GFRA1: variants seen among roughly 807,000 people sequenced by gnomAD.
GFRA1 encodes GDNF family receptor alpha-1.
Under a neutral mutation model 51.6 loss-of-function variants are expected in GFRA1, and 16 were observed. The observed-to-expected ratio is 0.31, with a 90% CI of 0.21 to 0.47. The LOEUF (loss-of-function observed/expected upper bound fraction) is 0.47, where lower values mean the gene tolerates loss of function less well. Among genes scored for constraint, GFRA1 ranks in the 20% least tolerant of loss-of-function variants. The pLI is 1.00. For missense variants in GFRA1, 530 were observed against 594.3 expected (o/e 0.89, Z 1.13); for synonymous variants, 270 against 241.3 (o/e 1.12, Z -1.10).
chr10:116,244,311 A>AT (rs1226720922), intron 4 of GFRA1, among the ~76,000 whole-genome samples: 5 of 143,940 alleles, frequency 3.5e-5, no homozygotes, highest in African/African-American at 1.0e-4. Flanking sequence ...AAAAATTATA[A>AT]TATATAATAT....
intron 5 of GFRA1, among the ~76,000 whole-genome samples, chr10:116,162,727 C>T (rs902158801): frequency 1.3e-5 from 2 of 152,090 alleles, no homozygotes; most frequent in African/African-American, 4.8e-5. Flanking sequence ...GATGGTTGCA[C>T]AACCTTATGA....
chr10:116,239,376 T>A (rs890745516), intron 4 of GFRA1, among the ~76,000 whole-genome samples: 4 of 152,356 alleles, frequency 2.6e-5, no homozygotes, highest in African/African-American at 9.6e-5. Context: ...TAAATCATTA[T>A]AAAATCCCTT....
chr10:116,214,407 A>T (rs1359389087), intron 4 of GFRA1, among the ~76,000 whole-genome samples: 1 of 152,132 alleles, frequency 6.6e-6, no homozygotes, highest in Non-Finnish European at 1.5e-5. Flanking sequence ...GCTCCTACCT[A>T]CGAGGGAGGG....
At chr10:116,213,979 G>C (rs1965387968) in intron 4 of GFRA1, among the ~76,000 whole-genome samples, 1 of 152,144 alleles carries the variant, frequency 6.6e-6, no homozygotes, top group Non-Finnish European at 1.5e-5. Flanking sequence ...TGCTCTAATT[G>C]ATACACACTA....
intron 3 of GFRA1, 30 bp downstream of exon 3, chr10:116,270,792 C>A: frequency 2.2e-6 from 3 of 1,386,560 alleles, no homozygotes; most frequent in Non-Finnish European, 3.0e-6. Flanking sequence ...GGGAGGGACA[C>A]GGGGTGGGGT....
chr10:116,144,417 G>T (rs1958705198), intron 5 of GFRA1, among the ~76,000 whole-genome samples: 1 of 151,848 alleles, frequency 6.6e-6, no homozygotes, highest in South Asian at 2.1e-4. Flanking sequence ...CTAAAAAAAT[G>T]ATATGGGATA....
intron 4 of GFRA1, among the ~76,000 whole-genome samples, chr10:116,258,402 A>T (rs1025126388): frequency 6.6e-5 from 2 of 30,156 alleles, no homozygotes; most frequent in South Asian, 2.6e-3. Flanking sequence ...ATAAAATAAA[A>T]TATATTATAT....
chr10:116,163,719 TG>T (rs1320668275), intron 5 of GFRA1, among the ~76,000 whole-genome samples: 6 of 152,086 alleles, frequency 3.9e-5, no homozygotes, highest in African/African-American at 1.4e-4. Context: ...CAGAATGGAA[TG>T]CACACGGTAA....
At chr10:116,164,760 C>T (rs974714922) in intron 5 of GFRA1, among the ~76,000 whole-genome samples, 4 of 152,144 alleles carry the variant, frequency 2.6e-5, no homozygotes, top group Non-Finnish European at 5.9e-5. Context: ...TTCACTTTAG[C>T]AGCAATCCAG....
intron 5 of GFRA1, among the ~76,000 whole-genome samples, chr10:116,192,255 A>G (rs1294850324): frequency 6.6e-6 from 1 of 152,060 alleles, no homozygotes; most frequent in Non-Finnish European, 1.5e-5. Context: ...ACACAAATAA[A>G]TCTTCATTCC....
At chr10:116,152,829 G>A (rs994658005) in intron 5 of GFRA1, among the ~76,000 whole-genome samples, 3 of 152,164 alleles carry the variant, frequency 2.0e-5, no homozygotes, top group Non-Finnish European at 4.4e-5. Context: ...AAAAGAATTT[G>A]GGTTTCTTTT....
intron 4 of GFRA1, among the ~76,000 whole-genome samples, chr10:116,266,400 C>T (rs1969661517): frequency 6.6e-6 from 1 of 152,200 alleles, no homozygotes; most frequent in Admixed American, 6.5e-5. Context: ...CATTTATCAT[C>T]CTGTTCCTCC....
chr10:116,134,608 T>C (rs1481609686), intron 5 of GFRA1, among the ~76,000 whole-genome samples: 1 of 152,240 alleles, frequency 6.6e-6, no homozygotes, highest in Non-Finnish European at 1.5e-5. Flanking sequence ...AGACATATTG[T>C]ATTACATGAT....
intron 5 of GFRA1, among the ~76,000 whole-genome samples, chr10:116,139,657 G>A (rs983324493): frequency 2.0e-5 from 3 of 152,226 alleles, no homozygotes; most frequent in African/African-American, 2.4e-5. Flanking sequence ...GCAGCACCCC[G>A]GGACATGCCA....
intron 9 of GFRA1, among the ~76,000 whole-genome samples, chr10:116,069,101 A>G (rs1254319512): frequency 6.6e-6 from 1 of 152,192 alleles, no homozygotes; most frequent in African/African-American, 2.4e-5. Context: ...AGAAATGCAG[A>G]GAGCCGAAAA....
chr10:116,186,132 G>C (rs1962694045), intron 5 of GFRA1, among the ~76,000 whole-genome samples: 2 of 152,154 alleles, frequency 1.3e-5, no homozygotes, highest in South Asian at 4.1e-4. Context: ...TTAGTGCAGG[G>C]CCCAGAGTGG....
Position 116,064,224 on chromosome 10 carries a change from C to T in GFRA1, c.*174G>A. On this transcript the variant is annotated 3_prime_UTR_variant, in exon 11 of 11. Transcript: ENST00000355422. ...CACTGCATCAGGTTTTTCACAGAAG[C>T]CCCAAAGGATCACAAGAAGCTTTCT... 1 of 619,122 alleles carries T rather than the reference C, an allele frequency of 1.6e-6. No individual in the cohort carries two copies. The highest frequency in any genetic ancestry group is 2.0e-5 in the South Asian group (1 of 50,592). 38.4% of individuals were successfully genotyped at this position (619,122 alleles called of 1,614,324 possible). A position where few individuals can be genotyped will look rare whatever the true frequency, so the allele number is the denominator to read the frequency against.
chr10:116,256,144 C>A (rs1477230673), intron 4 of GFRA1, among the ~76,000 whole-genome samples: 1 of 152,210 alleles, frequency 6.6e-6, no homozygotes, highest in Non-Finnish European at 1.5e-5. Flanking sequence ...TATTATTAGC[C>A]CCATTTACAC....
At chr10:116,120,477 T>C (rs1565590075) in intron 6 of GFRA1, among the ~76,000 whole-genome samples, 3 of 152,000 alleles carry the variant, frequency 2.0e-5, no homozygotes, top group South Asian at 2.1e-4. Flanking sequence ...CCCAGCTACA[T>C]GGGAGGCTGA....
Sources: gnomAD v4.1 joint callset for allele counts (sites outside exome capture counted in the v4.1 genomes callset) on GRCh38, gnomAD v4.1.1 for gene constraint, MANE v1.5 for transcripts, NCBI Gene and HGNC (gene_info 2026-07-23, HGNC 2026-07-21) for gene names.